EVPLL: variants seen among roughly 807,000 people sequenced by gnomAD.
EVPLL encodes envoplakin like.
Under a neutral mutation model 46.2 loss-of-function variants are expected in EVPLL, and 39 were observed. The observed-to-expected ratio is 0.84, with a 90% CI of 0.65 to 1.10. The LOEUF is 1.10. Ranked by LOEUF, EVPLL falls within the 50% of genes least tolerant of loss-of-function variation. The pLI is 0.00. For missense variants in EVPLL, 385 were observed against 412.6 expected, an observed-to-expected ratio of 0.93 and a Z score of 0.58; for synonymous variants, 156 against 165.8, an observed-to-expected ratio of 0.94 and a Z score of 0.46.
At position 18,382,861 on chromosome 17, in the gene EVPLL, A is replaced by C; in HGVS notation, c.508A>C (p.Thr170Pro). 5 of 1,613,142 alleles carry C rather than the reference A, an allele frequency of 3.1e-6. No homozygotes were observed. The highest frequency in any genetic ancestry group is 4.2e-6 in the Non-Finnish European group (5 of 1,179,662). The change falls in exon 6 of 11, where the codon ACT becomes CCT. Residue 170 changes from threonine (T) to proline (P), a missense_variant. Physicochemically the swap from Thr to Pro is conservative, Grantham distance 38 (BLOSUM62 -1). Coordinates refer to ENST00000399134, the MANE Select transcript of EVPLL (RefSeq NM_001145127.2). ...CCATCCGGAGCCAATACCGAGACCT[A>C]CTGGTGAGCAGGAGGGAGGGTCGGG... ...RHHPEPIPRP[T>P]EGGVVARAEP...
intron 9 of EVPLL, among the ~76,000 whole-genome samples, chr17:18,387,283 A>G (rs370290640): frequency 1.8e-4 from 28 of 152,032 alleles, no homozygotes; most frequent in African/African-American, 6.8e-4. Context: ...GAAACTCTAA[A>G]TACTGTCCAT....
At chr17:18,379,064 A>G (rs1987476459) in intron 1 of EVPLL, among the ~76,000 whole-genome samples, 1 of 152,360 alleles carries the variant, frequency 6.6e-6, no homozygotes, top group South Asian at 2.1e-4. Flanking sequence ...TGGGTGACAG[A>G]GCAAGACCCT....
In EVPLL at chr17:18,382,649, C is replaced by T. The variant is rs1233985105; in HGVS notation, c.472+11C>T. ...AGCCTGGTGGGGCCGGTGGGTGAGC[C>T]GGGAAGATGTTACATCCGGGGCCAG... On this transcript the variant is annotated intron_variant, in intron 5 of 10. Coordinates refer to ENST00000399134, the MANE Select transcript of EVPLL (RefSeq NM_001145127.2). 22 of 1,548,964 alleles carry T rather than the reference C, an allele frequency of 1.4e-5. No individual in the cohort carries two copies. The highest frequency in any genetic ancestry group is 2.5e-5 in the East Asian group (1 of 40,812).
chr17:18,384,449 T>C (rs1987702543), intron 9 of EVPLL, among the ~76,000 whole-genome samples: 1 of 128,602 alleles, frequency 7.8e-6, no homozygotes, highest in Non-Finnish European at 1.6e-5. Context: ...AAAAAAAAAA[T>C]CCTGGTGCAA....
chr17:18,382,564 C>T lies in EVPLL; in HGVS notation c.398C>T (p.Thr133Ile). The change falls in exon 5 of 11, where the codon ACA becomes ATA. Residue 133 changes from threonine to isoleucine, a missense_variant. By Grantham distance (89) the Thr-to-Ile change is moderately conservative (BLOSUM62 -1). Transcript: ENST00000399134. ...VWAGHGGAGG[T>I]DRGAQHRAEG... ...GCCGGGCATGGCGGAGCTGGAGGAA[C>T]AGATCGCGGAGCTCAACATCGTGCA... The T allele has an allele frequency of 6.4e-7, 1 of 1,551,872 alleles. No homozygotes were observed. The highest frequency in any genetic ancestry group is 1.2e-5 in the South Asian group (1 of 84,064).
intron 1 of EVPLL, chr17:18,380,606 T>G (rs1598094356): frequency 3.8e-6 from 1 of 262,392 alleles, no homozygotes. Context: ...CTGGGTGGGG[T>G]CGGGAACTCA....
rs1180214566 is a variant in EVPLL at position 18,381,353 on chromosome 17, T to A, written c.64-14T>A. 29 of 1,541,664 alleles carry A rather than the reference T, an allele frequency of 1.9e-5. No homozygotes were observed. In the East Asian group the frequency reaches 6.9e-4, roughly 37 times the overall value. ...CTCTGGACCCTGGCAAGTCTGCCCA[T>A]CCCCTGCCCACAGGACCGGCTGAAC... On this transcript the variant is annotated splice_polypyrimidine_tract_variant and intron_variant, in intron 2 of 10. Coordinates refer to ENST00000399134, the MANE Select transcript of EVPLL (RefSeq NM_001145127.2). This position sits in a 1 kb window ranked among gnomAD's most constrained non-coding sequence, Gnocchi z 4.2.
chr17:18,382,996 C>T (rs1278749307), intron 6 of EVPLL, 29 bp from the exon 7 acceptor site: 5 of 1,560,218 alleles, frequency 3.2e-6, no homozygotes, highest in Middle Eastern at 2.3e-4. Context: ...TCTCCCCACC[C>T]TGCTGCTGGC....
intron 9 of EVPLL, chr17:18,387,778 G>A (rs1161726413): frequency 1.3e-5 from 2 of 152,362 alleles, no homozygotes; most frequent in African/African-American, 4.8e-5. Flanking sequence ...GAGAGGCCGA[G>A]GCTGGAGGAT....
chr17:18,382,466 C>A (rs1214055831), intron 4 of EVPLL, 47 bp from the exon 5 acceptor site: 2 of 1,548,018 alleles, frequency 1.3e-6, no homozygotes, highest in South Asian at 1.2e-5. Context: ...GGTTCTCTGG[C>A]TCTCCACCCT....
rs1435741414 is a variant in EVPLL at position 18,383,601 on chromosome 17, CAGCGGCA to C, written c.876+15_876+21del. On this transcript the variant is annotated intron_variant, in intron 9 of 10. Coordinates refer to ENST00000399134, the MANE Select transcript of EVPLL (RefSeq NM_001145127.2). The stretch of plus-strand genomic sequence containing the variant: ...GACTACAGCCGGGTGAGCCCTCGGG[CAGCGGCA>C]GGGCGGCAGGGCGGCAGGGCGGGAG... 1.4e-5 allele frequency: 10 copies of C among 735,186 alleles called. No individual in the cohort carries two copies. The highest frequency in any genetic ancestry group is 1.9e-5 in the Non-Finnish European group (10 of 539,266). The allele number at this position is 735,186 out of a possible 1,614,324, so 45.5% of individuals were successfully genotyped here. A position where few individuals can be genotyped will look rare whatever the true frequency, so the allele number is the denominator to read the frequency against.
intron 9 of EVPLL, among the ~76,000 whole-genome samples, chr17:18,384,537 C>T (rs1000981293): frequency 3.3e-5 from 5 of 152,084 alleles, no homozygotes; most frequent in African/African-American, 1.2e-4. Flanking sequence ...GGAGACCAGC[C>T]TGGGCAACAT....
Position 18,385,348 on chromosome 17 carries a change from A to G in EVPLL, c.876+1761A>G, listed in dbSNP as rs1431695569. 3.3e-5 allele frequency among the ~76,000 whole-genome samples: 3 copies of G among 91,756 alleles called. 1 individual carries two copies. Among genetic ancestry groups the G allele is most frequent in the Admixed American group, 3.0e-4 (3 of 9,896 alleles). 60.2% of individuals were successfully genotyped at this position (91,756 alleles called of 152,430 possible). On this transcript the variant is annotated intron_variant, in intron 9 of 10. Coordinates refer to ENST00000399134, the MANE Select transcript of EVPLL (RefSeq NM_001145127.2). ...GTTCGGGAGGACCAGTGGTGCCCCC[A>G]TCTCACCAGGCTCCCAAGGAAGCTT...
In EVPLL at chr17:18,381,965, G is replaced by A; in HGVS notation, c.346+235G>A. The A allele has an allele frequency of 1.6e-6, 1 of 606,430 alleles. No individual in the cohort carries two copies. The highest frequency in any genetic ancestry group is 2.8e-6 in the Non-Finnish European group (1 of 355,146). 37.6% of individuals were successfully genotyped at this position (606,430 alleles called of 1,614,324 possible). A position where few individuals can be genotyped will look rare whatever the true frequency, so the allele number is the denominator to read the frequency against. On this transcript the variant is annotated intron_variant, in intron 4 of 10. Coordinates refer to ENST00000399134, the MANE Select transcript of EVPLL (RefSeq NM_001145127.2). The surrounding 1 kb of genome is among the most constrained non-coding windows in gnomAD (Gnocchi z 4.2). The stretch of plus-strand genomic sequence containing the variant: ...TTGGGTCAGGGTGAAGTAGTGAGGA[G>A]AGGACAATTCCAGAAAGAAGGAGCA...
rs1987588610 is a variant in EVPLL at position 18,381,820 on chromosome 17, A to C, written c.346+90A>C. 1 of 1,590,090 alleles carries C rather than the reference A, an allele frequency of 6.3e-7. No homozygotes were observed. Among genetic ancestry groups the C allele is most frequent in the South Asian group, 1.1e-5 (1 of 89,266 alleles). On this transcript the variant is annotated intron_variant, in intron 4 of 10. Transcript: ENST00000399134. The surrounding 1 kb of genome is among the most constrained non-coding windows in gnomAD (Gnocchi z 4.2). ...GGCCTGACTGTAGGCTTGAACAGTC[A>C]GTGTATAGTGGTGTCTCAGGGGTCT...
At chr17:18,384,698 C>G (rs1987711405) in intron 9 of EVPLL, among the ~76,000 whole-genome samples, 2 of 152,234 alleles carry the variant, frequency 1.3e-5, no homozygotes, top group African/African-American at 4.8e-5. Flanking sequence ...CTCCACTGCA[C>G]TCTAGCCTGG....
rs764134072 is a variant in EVPLL at position 18,381,535 on chromosome 17, C to T, written c.218+14C>T. ...GACTGAGAAGGAGTGAGTGGGGCTG[C>T]GGCAGGGCTGGGGGTCCCTGGGGAA... On this transcript the variant is annotated intron_variant, in intron 3 of 10. Coordinates refer to ENST00000399134, the MANE Select transcript of EVPLL (RefSeq NM_001145127.2). This position sits in a 1 kb window ranked among gnomAD's most constrained non-coding sequence, Gnocchi z 4.2. 1.9e-5 allele frequency: 31 copies of T among 1,613,212 alleles called. No individual in the cohort carries two copies. The East Asian group carries it at 3.3e-4, about 17-fold the overall frequency.
Position 18,381,542 on chromosome 17 carries a change from G to T in EVPLL, c.218+21G>T. The stretch of plus-strand genomic sequence containing the variant: ...AAGGAGTGAGTGGGGCTGCGGCAGG[G>T]CTGGGGGTCCCTGGGGAAGACCCAG... On this transcript the variant is annotated intron_variant, in intron 3 of 10. Transcript: ENST00000399134. The surrounding 1 kb of genome is among the most constrained non-coding windows in gnomAD (Gnocchi z 4.2). The T allele has an allele frequency of 6.2e-7, 1 of 1,613,382 alleles. No individual in the cohort carries two copies. Among genetic ancestry groups the T allele is most frequent in the African/African-American group, 1.3e-5 (1 of 75,048 alleles).
At chr17:18,384,233 G>A (rs1023953982) in intron 9 of EVPLL, among the ~76,000 whole-genome samples, 4 of 152,170 alleles carry the variant, frequency 2.6e-5, no homozygotes, top group African/African-American at 7.2e-5. Flanking sequence ...TTGGGAGGCC[G>A]AGCCAGGAGA....
Sources: allele counts gnomAD v4.1 joint callset (sites outside exome capture counted in the v4.1 genomes callset), GRCh38; gene constraint gnomAD v4.1.1; non-coding constraint Gnocchi (gnomAD v3.1); transcripts MANE v1.5; gene names NCBI Gene and HGNC (gene_info 2026-07-23, HGNC 2026-07-21).